ITPR2: variants seen among roughly 807,000 people sequenced by gnomAD.
ITPR2 encodes the protein inositol 1,4,5-trisphosphate receptor type 2.
In ITPR2, 207 loss-of-function variants were observed where a neutral mutation model predicts 317.1. The observed-to-expected ratio is 0.65, with a 90% CI of 0.58 to 0.73. ITPR2 has a LOEUF of 0.73. Among genes scored for constraint, ITPR2 ranks in the 30% least tolerant of loss-of-function variants. ITPR2 has a pLI of 0.00. For missense variants in ITPR2, 2,613 were observed against 3,284.0 expected (o/e 0.80, Z 4.99); for synonymous variants, 1,156 against 1,149.1 (o/e 1.01, Z -0.12).
At chr12:26,575,664 A>G (rs1234391779) in intron 34 of ITPR2, among the ~76,000 whole-genome samples, 2 of 152,248 alleles carry the variant, frequency 1.3e-5, no homozygotes, top group Non-Finnish European at 2.9e-5. Flanking sequence ...CTCTTAAATT[A>G]TAATGCTTTG....
chr12:26,718,646 G>A (rs1948783518), intron 5 of ITPR2, among the ~76,000 whole-genome samples: 1 of 151,668 alleles, frequency 6.6e-6, no homozygotes, highest in Non-Finnish European at 1.5e-5. Context: ...GTCTCGCTCT[G>A]TCACCCAGGC....
chr12:26,673,463 A>C (rs1259786527), intron 13 of ITPR2, among the ~76,000 whole-genome samples: 16 of 152,218 alleles, frequency 1.1e-4, no homozygotes, highest in Non-Finnish European at 2.2e-4. Flanking sequence ...ATCTCAATAG[A>C]TGCAGAAAAG....
chr12:26,654,259 C>T, intron 20 of ITPR2, 133 bp from the exon 21 acceptor site: 1 of 661,376 alleles, frequency 1.5e-6, no homozygotes, highest in South Asian at 2.2e-5. Context: ...TTCTTTAACA[C>T]CTAGGAATTA....
chr12:26,664,198 AT>A (rs1947567130), intron 14 of ITPR2, among the ~76,000 whole-genome samples: 1 of 152,236 alleles, frequency 6.6e-6, no homozygotes, highest in Non-Finnish European at 1.5e-5. Flanking sequence ...GGGCTTTATA[AT>A]AAGTTTCTTC....
intron 2 of ITPR2, among the ~76,000 whole-genome samples, chr12:26,771,378 C>T (rs190037177): frequency 2.6e-5 from 4 of 152,296 alleles, no homozygotes; most frequent in African/African-American, 4.8e-5. Flanking sequence ...TTGGAAGCCA[C>T]GTGCTGCGAA....
At chr12:26,565,079 T>C (rs533974578) in intron 34 of ITPR2, among the ~76,000 whole-genome samples, 1 of 152,212 alleles carries the variant, frequency 6.6e-6, no homozygotes, top group Non-Finnish European at 1.5e-5. Flanking sequence ...CCATCTAAAC[T>C]AAAAATCAAA....
intron 55 of ITPR2, among the ~76,000 whole-genome samples, chr12:26,347,594 G>C (rs977055766): frequency 6.6e-6 from 1 of 152,160 alleles, no homozygotes. Flanking sequence ...TGATTGAAAA[G>C]CTTGTATTCT....
At chr12:26,554,608 A>G (rs1944615347) in intron 36 of ITPR2, among the ~76,000 whole-genome samples, 1 of 152,180 alleles carries the variant, frequency 6.6e-6, no homozygotes, top group South Asian at 2.1e-4. Flanking sequence ...TGAGGGCCAG[A>G]GCTTGCCAAC....
chr12:26,663,899 C>CT (rs916083508), intron 14 of ITPR2, 53 bp from the exon 15 acceptor site: 5,235 of 1,201,208 alleles, frequency 4.4e-3, no homozygotes, highest in Middle Eastern at 5.0e-3. Flanking sequence ...GTTTTGCAAC[C>CT]TTTTTTTTTT....
chr12:26,427,958 A>G lies in ITPR2; in HGVS notation c.6900T>C (p.Tyr2300=). ...FLVSIMLRSI[Y]TIGLGPTLIL... ...TTAATGTAGGCCCAAGACCTATTGT[A>G]TATATTGATCTGAGCATTATTGATA... is the stretch of plus-strand genomic sequence containing the variant. Residue 2300 remains tyrosine (Y), a synonymous_variant, in exon 49 of 57, where the codon TAT becomes TAC. Coordinates refer to ENST00000381340, the MANE Select transcript of ITPR2 (RefSeq NM_002223.4). The G allele has an allele frequency of 6.2e-7, 1 of 1,611,954 alleles. No individual in the cohort carries two copies. The highest frequency in any genetic ancestry group is 1.1e-5 in the South Asian group (1 of 90,676).
chr12:26,565,468 T>C lies in ITPR2; in HGVS notation c.4631-3516A>G, dbSNP rs183203599. Among the ~76,000 whole-genome samples the C allele has an allele frequency of 8.7e-4, 132 of 150,880 alleles. 1 individual carries two copies. The highest frequency in any genetic ancestry group is 3.0e-3 in the African/African-American group (122 of 41,002). On this transcript the variant is annotated intron_variant, in intron 34 of 56. Coordinates refer to ENST00000381340, the MANE Select transcript of ITPR2 (RefSeq NM_002223.4). ...AAGGAAGGGATAAAAAAAAATTGGA[T>C]GAATAGATAGACAGATGATAGATAG...
chr12:26,391,555 CCTTTTTTTTTTT>C lies in ITPR2; in HGVS notation c.7697-3973_7697-3962del, dbSNP rs1425995918. 5.8e-4 allele frequency among the ~76,000 whole-genome samples: 41 copies of C among 70,862 alleles called. 1 individual carries two copies. Among genetic ancestry groups the C allele is most frequent in the African/African-American group, 2.1e-3 (39 of 18,644 alleles). 46.5% of individuals were successfully genotyped at this position (70,862 alleles called of 152,430 possible). A position where few individuals can be genotyped will look rare whatever the true frequency, so the allele number is the denominator to read the frequency against. ...AGCTTCTTCTTCTTCTTCTTCTTTTCCTTTTTTTTTTTTTTTTTTTTTTTTTTTTGACAGAGT... is the reference window on the plus strand; with the variant it reads ...AGCTTCTTCTTCTTCTTCTTCTTTTCTTTTTTTTTTTTTTTTTGACAGAGT... On this transcript the variant is annotated intron_variant, in intron 54 of 56. Transcript: ENST00000381340.
chr12:26,355,447 T>A (rs1938607139), intron 55 of ITPR2, among the ~76,000 whole-genome samples: 1 of 152,242 alleles, frequency 6.6e-6, no homozygotes, highest in South Asian at 2.1e-4. Context: ...TGACAGTATT[T>A]GGGCAGCTTC....
chr12:26,800,179 AT>A (rs1950530346), intron 1 of ITPR2, among the ~76,000 whole-genome samples: 1 of 151,978 alleles, frequency 6.6e-6, no homozygotes, highest in Non-Finnish European at 1.5e-5. Flanking sequence ...TGTTTTTTAT[AT>A]TTTGTCCAGA....
chr12:26,335,623 C>T lies in ITPR2; in HGVS notation c.*3774G>A, dbSNP rs1482534797. 1.3e-5 allele frequency among the ~76,000 whole-genome samples: 2 copies of T among 152,176 alleles called. No homozygotes were observed. The highest frequency in any genetic ancestry group is 4.8e-5 in the African/African-American group (2 of 41,442). ...TGGTTTTGATAGTGCGTGTTTTCTT[C>T]TATTAAGTGAGATAGCTTTCTCAAT... On this transcript the variant is annotated 3_prime_UTR_variant, in exon 57 of 57. Coordinates refer to ENST00000381340, the MANE Select transcript of ITPR2 (RefSeq NM_002223.4).
intron 2 of ITPR2, among the ~76,000 whole-genome samples, chr12:26,786,441 A>G: frequency 1.3e-5 from 1 of 76,688 alleles, no homozygotes; most frequent in Non-Finnish European, 3.0e-5. Flanking sequence ...ACACCCAAGA[A>G]TGATCAATAA....
At chr12:26,450,498 C>G (rs138714433) in intron 45 of ITPR2, among the ~76,000 whole-genome samples, 1 of 152,168 alleles carries the variant, frequency 6.6e-6, no homozygotes, top group South Asian at 2.1e-4. Context: ...AATACTGATG[C>G]CAGAATTACT....
chr12:26,340,494 T>C (rs1215090031), intron 55 of ITPR2, among the ~76,000 whole-genome samples, 166 bp from the exon 56 acceptor site: 1 of 152,168 alleles, frequency 6.6e-6, no homozygotes, highest in Non-Finnish European at 1.5e-5. Context: ...ACACTGGTCT[T>C]CACGGGCTGG....
At chr12:26,415,079 T>C (rs1940677650) in intron 51 of ITPR2, among the ~76,000 whole-genome samples, 1 of 151,974 alleles carries the variant, frequency 6.6e-6, no homozygotes, top group Non-Finnish European at 1.5e-5. Flanking sequence ...GAGACTGAGC[T>C]GGGATGGTGT....
Sources: gnomAD v4.1 joint callset for allele counts (sites outside exome capture counted in the v4.1 genomes callset) on GRCh38, gnomAD v4.1.1 for gene constraint, MANE v1.5 for transcripts, NCBI Gene and HGNC (gene_info 2026-07-23, HGNC 2026-07-21) for gene names.